TUSC3: variants seen among roughly 807,000 people sequenced by gnomAD.
TUSC3 encodes the protein tumor suppressor candidate 3, also known as dolichyl-diphosphooligosaccharide--protein glycosyltransferase subunit TUSC3.
Under a neutral mutation model 44.8 loss-of-function variants are expected in TUSC3, and 45 were observed. That is an observed-to-expected ratio of 1.00 (90% CI 0.79 to 1.29). The LOEUF (loss-of-function observed/expected upper bound fraction) is 1.29, where lower values mean the gene tolerates loss of function less well. TUSC3 is among the 50% of genes most tolerant of loss of function. The probability of loss-of-function intolerance (pLI) is 0.00; values close to 1 mark genes in which losing one functional copy is unlikely to be tolerated. For missense variants in TUSC3, 519 were observed against 437.9 expected, an observed-to-expected ratio of 1.19 and a Z score of -1.65; for synonymous variants, 212 against 152.9, an observed-to-expected ratio of 1.39 and a Z score of -2.85.
At chr8:15,638,655 A>C (rs1039235081) in intron 2 of TUSC3, among the ~76,000 whole-genome samples, 1 of 150,130 alleles carries the variant, frequency 6.7e-6, no homozygotes, top group Non-Finnish European at 1.5e-5. Flanking sequence ...CCTCCTTAGT[A>C]GCTGGGATTA....
intron 6 of TUSC3, among the ~76,000 whole-genome samples, chr8:15,706,295 A>G (rs1021376960): frequency 3.7e-5 from 5 of 134,806 alleles, no homozygotes; most frequent in Non-Finnish European, 5.9e-5. Context: ...TATGTTGTCA[A>G]TAAGTCAATT....
At chr8:15,689,096 C>G in intron 6 of TUSC3, 1 of 378,366 alleles carries the variant, frequency 2.6e-6, no homozygotes, top group South Asian at 2.3e-5. Flanking sequence ...CCTTTCTTTT[C>G]TGTAGCTGCT....
intron 2 of TUSC3, among the ~76,000 whole-genome samples, chr8:15,504,539 A>G (rs1027409972): frequency 1.7e-5 from 2 of 120,898 alleles, no homozygotes; most frequent in African/African-American, 3.1e-5. Context: ...CAGAATTCCT[A>G]TTTTGTTCTA....
chr8:15,514,475 A>G (rs1464479401), intron 2 of TUSC3, among the ~76,000 whole-genome samples: 1 of 152,192 alleles, frequency 6.6e-6, no homozygotes, highest in Non-Finnish European at 1.5e-5. Context: ...TTGAAGTATA[A>G]AAACCAAAAA....
In TUSC3 at chr8:15,550,901, A is replaced by G. The variant is rs533341908; in HGVS notation, c.138+10333A>G. On this transcript the variant is annotated intron_variant, in intron 1 of 10. Coordinates refer to ENST00000503731, the MANE Select transcript of TUSC3 (RefSeq NM_006765.4). ...TCGCCATGCTGGCCTTAAATTCCTAACCTCGGGTGATCTGCCCGCCTCGGC... is the reference window on the plus strand; with the variant it reads ...TCGCCATGCTGGCCTTAAATTCCTAGCCTCGGGTGATCTGCCCGCCTCGGC... Among the ~76,000 whole-genome samples, 15 of 151,600 alleles carry G rather than the reference A, an allele frequency of 9.9e-5. 1 individual carries two copies. In the South Asian group the frequency reaches 3.1e-3, roughly 32 times the overall value.
chr8:15,423,978 T>TGTTTTTTTTTG (rs1563247184), intron 1 of TUSC3, among the ~76,000 whole-genome samples: 3 of 106,778 alleles, frequency 2.8e-5, no homozygotes, highest in African/African-American at 1.0e-4. Context: ...TGTTTTTTTT[T>TGTTTTTTTTTG]TTTTTTTTTT....
intron 4 of TUSC3, among the ~76,000 whole-genome samples, chr8:15,661,579 T>G (rs1807428561): frequency 6.6e-6 from 1 of 152,002 alleles, no homozygotes; most frequent in African/African-American, 2.4e-5. Flanking sequence ...GATACGAATT[T>G]CAAATATCTG....
chr8:15,685,027 G>A (rs1037081971), intron 6 of TUSC3, among the ~76,000 whole-genome samples: 2 of 152,198 alleles, frequency 1.3e-5, no homozygotes, highest in Admixed American at 1.3e-4. Context: ...GCAGACAGCA[G>A]TAGCTACAGC....
At chr8:15,682,684 G>C (rs2129186240) in intron 6 of TUSC3, among the ~76,000 whole-genome samples, 1 of 152,182 alleles carries the variant, frequency 6.6e-6, no homozygotes, top group African/African-American at 2.4e-5. Flanking sequence ...TTCCTATCGT[G>C]GTGGTGTTAG....
At chr8:15,781,121 C>G in the TUSC3 span, among the ~76,000 whole-genome samples, 3 of 152,134 alleles carry the variant, frequency 2.0e-5, no homozygotes, top group Admixed American at 6.5e-5. Flanking sequence ...GTTGCCCCAG[C>G]GATGTAGATC....
At chr8:15,661,103 C>T (rs1186218825) in intron 4 of TUSC3, among the ~76,000 whole-genome samples, 1 of 151,874 alleles carries the variant, frequency 6.6e-6, no homozygotes, top group African/African-American at 2.4e-5. Context: ...CACATGCAGA[C>T]ACATATGCAC....
At chr8:15,533,974 G>A (rs372113185) in intron 2 of TUSC3, among the ~76,000 whole-genome samples, 22 of 152,230 alleles carry the variant, frequency 1.4e-4, no homozygotes, top group African/African-American at 4.1e-4. Context: ...TAGCCATTAC[G>A]CAGATGGCCT....
At chr8:15,426,442 T>C (rs1382632974) in intron 1 of TUSC3, among the ~76,000 whole-genome samples, 1 of 152,246 alleles carries the variant, frequency 6.6e-6, no homozygotes, top group African/African-American at 2.4e-5. Flanking sequence ...TTGTATTCTT[T>C]GCTTCCATGA....
chr8:15,771,515 A>C (rs2604370), downstream of TUSC3, among the ~76,000 whole-genome samples: 47,499 of 152,042 alleles, frequency 0.31, 7,831 homozygotes, highest in East Asian at 0.47. Flanking sequence ...TTTGGTTTGT[A>C]ACTTTGTTTC....
At chr8:15,527,337 C>G (rs1801386920) in intron 2 of TUSC3, among the ~76,000 whole-genome samples, 1 of 152,084 alleles carries the variant, frequency 6.6e-6, no homozygotes, top group Non-Finnish European at 1.5e-5. Context: ...CTTCCTCCAC[C>G]TCCCTAGTAG....
intron 2 of TUSC3, among the ~76,000 whole-genome samples, chr8:15,528,272 A>G (rs1231269271): frequency 6.6e-6 from 1 of 152,220 alleles, no homozygotes; most frequent in African/African-American, 2.4e-5. Flanking sequence ...TCAGTGAAAC[A>G]AAATTACTGG....
intron 7 of TUSC3, among the ~76,000 whole-genome samples, chr8:15,742,881 CATT>C (rs1019995530): frequency 1.3e-5 from 2 of 152,154 alleles, no homozygotes; most frequent in African/African-American, 4.8e-5. Flanking sequence ...TTAATTCTGG[CATT>C]ATTCAACATA....
chr8:15,841,614 A>C, the TUSC3 span, among the ~76,000 whole-genome samples: 2 of 151,950 alleles, frequency 1.3e-5, no homozygotes, highest in South Asian at 4.1e-4. Flanking sequence ...CCCGGGTTCA[A>C]GCGATTCTCC....
chr8:15,846,591 G>A, the TUSC3 span, among the ~76,000 whole-genome samples: 1 of 152,136 alleles, frequency 6.6e-6, no homozygotes, highest in Admixed American at 6.5e-5. Flanking sequence ...ATCATTTTCA[G>A]CAAACTAACA....
Sources: gnomAD v4.1 joint callset for allele counts (sites outside exome capture counted in the v4.1 genomes callset) on GRCh38, gnomAD v4.1.1 for gene constraint, MANE v1.5 for transcripts, NCBI Gene and HGNC (gene_info 2026-07-23, HGNC 2026-07-21) for gene names.